Variants in FHOD3 observed in about 807,000 individuals in gnomAD.
FHOD3 encodes formin homology 2 domain containing 3.
FHOD3 carries 90 observed loss-of-function variants against 173.0 expected under a neutral mutation model. The observed-to-expected ratio is 0.52, with a 90% CI of 0.44 to 0.62. The LOEUF is 0.62. Ranked by LOEUF, FHOD3 falls within the 20% of genes least tolerant of loss-of-function variation. The pLI is 0.00. For missense variants in FHOD3, 1,945 were observed against 2,034.7 expected (o/e 0.96, Z 0.85); for synonymous variants, 828 against 823.0 (o/e 1.01, Z -0.10).
chr18:36,437,206 C>G (rs1192897458), intron 3 of FHOD3, among the ~76,000 whole-genome samples: 1 of 152,114 alleles, frequency 6.6e-6, no homozygotes, highest in Non-Finnish European at 1.5e-5. Flanking sequence ...CATCCTTCGC[C>G]TCCTGGACTC....
chr18:36,690,298 T>C (rs1471265530), intron 16 of FHOD3, among the ~76,000 whole-genome samples: 2 of 152,122 alleles, frequency 1.3e-5, no homozygotes, highest in Non-Finnish European at 2.9e-5. Flanking sequence ...ACGGGAATGT[T>C]TGGATGAAGG....
chr18:36,427,252 A>G lies in FHOD3; in HGVS notation c.337+54508A>G, dbSNP rs537956715. Among the ~76,000 whole-genome samples, 46 of 146,258 alleles carry G rather than the reference A, an allele frequency of 3.1e-4. 1 individual carries two copies. Among genetic ancestry groups the G allele is most frequent in the African/African-American group, 1.0e-3 (41 of 40,126 alleles). On this transcript the variant is annotated intron_variant, in intron 3 of 28. Coordinates refer to ENST00000590592, the MANE Select transcript of FHOD3 (RefSeq NM_001281740.3). ...GAAAGATCACACTGCCAGCAGAGGA[A>G]TTCATCTTAAAACTAGAACTGATCT... is the stretch of plus-strand genomic sequence containing the variant.
intron 3 of FHOD3, among the ~76,000 whole-genome samples, chr18:36,407,561 A>G (rs937923221): frequency 6.6e-6 from 1 of 152,230 alleles, no homozygotes; most frequent in Non-Finnish European, 1.5e-5. Flanking sequence ...ACTGAGGTTC[A>G]AAAAGGTTCC....
intron 3 of FHOD3, among the ~76,000 whole-genome samples, chr18:36,395,316 C>CAAAA (rs34684195): frequency 0.15 from 20,260 of 133,284 alleles, 1,741 homozygotes; most frequent in Middle Eastern, 0.33. Context: ...GACTCCGTCT[C>CAAAA]AAAAAAAAAA....
intron 3 of FHOD3, among the ~76,000 whole-genome samples, chr18:36,441,365 T>C (rs1478095831): frequency 6.6e-6 from 1 of 152,218 alleles, no homozygotes; most frequent in Non-Finnish European, 1.5e-5. Context: ...TGGCCAATTC[T>C]ACTTTAATGT....
intron 5 of FHOD3, among the ~76,000 whole-genome samples, chr18:36,562,312 C>T (rs559805385): frequency 7.2e-4 from 110 of 152,188 alleles, no homozygotes; most frequent in African/African-American, 2.5e-3. Context: ...CCACTGCACC[C>T]GGCCATGACA....
chr18:36,594,925 A>T, intron 7 of FHOD3, 27 bp downstream of exon 7: 1 of 1,477,304 alleles, frequency 6.8e-7, no homozygotes. Context: ...CCCTTATGTC[A>T]TGAAGGTGAA....
At chr18:36,500,702 G>T (rs935185354) in intron 3 of FHOD3, among the ~76,000 whole-genome samples, 1 of 152,198 alleles carries the variant, frequency 6.6e-6, no homozygotes, top group Non-Finnish European at 1.5e-5. Flanking sequence ...CTAGTAAATG[G>T]TGATACCAGG....
chr18:36,569,123 A>C (rs553353470), intron 5 of FHOD3, among the ~76,000 whole-genome samples: 1 of 152,346 alleles, frequency 6.6e-6, no homozygotes, highest in African/African-American at 2.4e-5. Context: ...TAGACCTTAA[A>C]TAAGACACAT....
intron 3 of FHOD3, among the ~76,000 whole-genome samples, chr18:36,474,802 A>G (rs2053467834): frequency 6.6e-6 from 1 of 152,120 alleles, no homozygotes; most frequent in South Asian, 2.1e-4. Context: ...CCCCTTGGCC[A>G]TGGCTGGGAG....
rs554695132 is a variant in FHOD3, at chr18:36,590,773, T to C, written c.607-4014T>C. Among the ~76,000 whole-genome samples the C allele has an allele frequency of 1.4e-4, 21 of 152,266 alleles. No individual in the cohort carries two copies. The South Asian group carries it at 3.5e-3, about 26-fold the overall frequency. ...GGAGAGAAAGACAGGAATAGGCATGTTGAGACCAATAGAAAAAGGAGGCTT... is the reference window on the plus strand; with the variant it reads ...GGAGAGAAAGACAGGAATAGGCATGCTGAGACCAATAGAAAAAGGAGGCTT... On this transcript the variant is annotated intron_variant, in intron 6 of 28. Transcript: ENST00000590592.
chr18:36,641,484 C>T (rs2035302311), intron 10 of FHOD3, among the ~76,000 whole-genome samples: 1 of 152,218 alleles, frequency 6.6e-6, no homozygotes, highest in African/African-American at 2.4e-5. Context: ...TGGCTTTAAA[C>T]AGCCAAGTTT....
chr18:36,630,444 T>C (rs2034433400), intron 10 of FHOD3, among the ~76,000 whole-genome samples: 1 of 152,208 alleles, frequency 6.6e-6, no homozygotes, highest in South Asian at 2.1e-4. Flanking sequence ...TTGAACACTT[T>C]TAGGGGACCA....
In FHOD3 at chr18:36,512,465, G is replaced by T. The variant is rs772197820; in HGVS notation, c.433G>T (p.Val145Leu). ...TGACAAGGATTTGGTGCATGAATTT[G>T]TAGTGGCTGAAGGTCTGACATGTTT... Reference protein sequence around the residue: ...QDDKDLVHEFVVAEGLTCLIK... With the variant: ...QDDKDLVHEFLVAEGLTCLIK... Residue 145 changes from valine to leucine, a missense_variant, in exon 5 of 29, where the codon GTA becomes TTA. By Grantham distance (32) the Val-to-Leu change is conservative. Around this residue, in one of 5 missense-constraint regions of FHOD3, gnomAD observed 245 missense variants for 267.7 expected, o/e 0.92. Transcript: ENST00000590592. The T allele has an allele frequency of 6.2e-7, 1 of 1,614,078 alleles. No individual in the cohort carries two copies.
intron 3 of FHOD3, among the ~76,000 whole-genome samples, chr18:36,389,384 G>T (rs1389365370): frequency 6.6e-6 from 1 of 152,186 alleles, no homozygotes; most frequent in African/African-American, 2.4e-5. Flanking sequence ...TTTGTCAGTT[G>T]ACTTGTGGAG....
At position 36,666,507 on chromosome 18, in the gene FHOD3, A is replaced by G. The variant is rs572463917; in HGVS notation, c.1835+8319A>G. On this transcript the variant is annotated intron_variant, in intron 14 of 28. Transcript: ENST00000590592. Reference sequence around the variant, plus strand: ...CAGGGTGATCCTCAATTTCATAGCCAGGTTGTGAGGACGATCTCATTGCTC... The same window carrying G: ...CAGGGTGATCCTCAATTTCATAGCCGGGTTGTGAGGACGATCTCATTGCTC... Among the ~76,000 whole-genome samples the G allele has an allele frequency of 1.2e-4, 19 of 152,316 alleles. No homozygotes were observed. In the South Asian group the frequency reaches 3.9e-3, roughly 32 times the overall value.
At chr18:36,634,637 C>T (rs2034749340) in intron 10 of FHOD3, among the ~76,000 whole-genome samples, 1 of 152,098 alleles carries the variant, frequency 6.6e-6, no homozygotes, top group Admixed American at 6.5e-5. Context: ...TGGAGGAAGG[C>T]TGGCCGTGTG....
chr18:36,671,030 A>G (rs1462252769), intron 14 of FHOD3, among the ~76,000 whole-genome samples: 16 of 152,370 alleles, frequency 1.1e-4, no homozygotes, highest in African/African-American at 2.4e-5. Context: ...TAATTTCCAG[A>G]CACTGTTTGC....
At chr18:36,380,706 A>C (rs2047736651) in intron 3 of FHOD3, among the ~76,000 whole-genome samples, 1 of 151,086 alleles carries the variant, frequency 6.6e-6, no homozygotes, top group Admixed American at 6.6e-5. Context: ...AAATTTAGAT[A>C]ATGTATTTAC....
Sources: allele counts gnomAD v4.1 joint callset (sites outside exome capture counted in the v4.1 genomes callset), GRCh38; gene constraint gnomAD v4.1.1; regional missense constraint gnomAD v4.1.1; transcripts MANE v1.5; gene names NCBI Gene and HGNC (gene_info 2026-07-23, HGNC 2026-07-21).